Variants in BTD observed in about 807,000 individuals in gnomAD.
BTD encodes biocytinase.
In BTD, 13 loss-of-function variants were observed where a neutral mutation model predicts 17.7. The observed-to-expected ratio is 0.74, with a 90% confidence interval of 0.48 to 1.17. The LOEUF is 1.17. Ranked by LOEUF, BTD falls within the 50% of genes most tolerant of loss-of-function variation. The pLI is 0.00. For missense variants in BTD, 674 were observed against 650.4 expected (o/e 1.04, Z -0.39); for synonymous variants, 240 against 245.2 (o/e 0.98, Z 0.20).
At chr3:15,617,423 A>G (rs905337867) in intron 1 of BTD, among the ~76,000 whole-genome samples, 6 of 152,142 alleles carry the variant, frequency 3.9e-5, no homozygotes, top group African/African-American at 1.2e-4. Context: ...ATTTAGATCT[A>G]TGATCTGTTT....
At chr3:15,626,714 C>T (rs890202872) in intron 1 of BTD, among the ~76,000 whole-genome samples, 2 of 147,956 alleles carry the variant, frequency 1.4e-5, no homozygotes, top group African/African-American at 5.1e-5. Flanking sequence ...GAGTTTGAGG[C>T]TGCTGTGAGC....
downstream of BTD, among the ~76,000 whole-genome samples, chr3:15,656,223 C>T (rs1298307423): frequency 6.6e-6 from 1 of 152,132 alleles, no homozygotes; most frequent in Non-Finnish European, 1.5e-5. Context: ...TTCCTCCTTG[C>T]CCCTAGTTAT....
chr3:15,690,894 C>T (rs1482828436), intron 3 of BTD, among the ~76,000 whole-genome samples: 2 of 152,084 alleles, frequency 1.3e-5, no homozygotes, highest in Non-Finnish European at 2.9e-5. Flanking sequence ...AATCACAGTT[C>T]AGTGCTCCAC....
intron 1 of BTD, among the ~76,000 whole-genome samples, chr3:15,616,815 A>C (rs530468624): frequency 6.6e-6 from 1 of 152,072 alleles, no homozygotes; most frequent in African/African-American, 2.4e-5. Context: ...ATGTCTGTTC[A>C]GATCTTTTGC....
chr3:15,685,923 A>G (rs2068066825), intron 3 of BTD: 5 of 1,086,444 alleles, frequency 4.6e-6, no homozygotes, highest in Non-Finnish European at 6.6e-6. Context: ...TGAAGAAAAA[A>G]TAAACATAAC....
In BTD at chr3:15,631,322, A is replaced by G. The variant is rs2065198250; in HGVS notation, c.-16-4102A>G. On this transcript the variant is annotated intron_variant, in intron 1 of 3. Coordinates refer to ENST00000643237, the MANE Select transcript of BTD (RefSeq NM_001370658.1). ...CAAGTAAAGAATGACAAGATATTTT[A>G]TTAAAAAGATGTTTTATTTATCTTT... 7.6e-6 allele frequency: 6 copies of G among 791,688 alleles called. No homozygotes were observed. The South Asian group carries it at 8.5e-5, about 11-fold the overall frequency. The allele number at this position is 791,688 out of a possible 1,614,324, so 49.0% of individuals were successfully genotyped here.
rs1447866149 is a variant in BTD, at chr3:15,635,730, C to T, written c.249+42C>T. 6.2e-7 allele frequency: 1 copy of T among 1,613,254 alleles called. No individual in the cohort carries two copies. The highest frequency in any genetic ancestry group is 1.1e-5 in the South Asian group (1 of 90,970). ...GAACCTGAGTTTCTCTCATACAGAG[C>T]AGATTGCTCTTTACCCCTTGATCAG... is the stretch of plus-strand genomic sequence containing the variant. On this transcript the variant is annotated intron_variant, in intron 2 of 3. Coordinates refer to ENST00000643237, the MANE Select transcript of BTD (RefSeq NM_001370658.1). This position sits in a 1 kb window ranked among gnomAD's most constrained non-coding sequence, Gnocchi z 4.1.
chr3:15,611,607 A>C (rs1344380414), intron 1 of BTD, among the ~76,000 whole-genome samples: 1 of 152,002 alleles, frequency 6.6e-6, no homozygotes, highest in African/African-American at 2.4e-5. Context: ...GATTGTTGGC[A>C]TGGTTTAGTT....
intron 1 of BTD, among the ~76,000 whole-genome samples, chr3:15,628,049 A>G (rs12488812): frequency 0.11 from 16,059 of 152,264 alleles, 1,063 homozygotes; most frequent in East Asian, 0.34. Context: ...GATTTGGGGA[A>G]CAGGGTTCCT....
Position 15,642,630 on chromosome 3 carries a change from G to C in BTD, c.399+573G>C, listed in dbSNP as rs539768228. ...CCACCACGCCCGGCTAATTTTTTTT[G>C]TGTGTGTATTTTTAGTAGAGATGGG... is the stretch of plus-strand genomic sequence containing the variant. On this transcript the variant is annotated intron_variant, in intron 3 of 3. Transcript: ENST00000643237. Among the ~76,000 whole-genome samples, 3 of 151,450 alleles carry C rather than the reference G, an allele frequency of 2.0e-5. No individual in the cohort carries two copies. The South Asian group carries it at 6.3e-4, about 32-fold the overall frequency.
At chr3:15,618,382 G>A (rs767491470) in intron 1 of BTD, among the ~76,000 whole-genome samples, 5 of 152,172 alleles carry the variant, frequency 3.3e-5, no homozygotes, top group Non-Finnish European at 7.3e-5. Context: ...ACGATATTGA[G>A]TCTCTGCATT....
intron 3 of BTD, among the ~76,000 whole-genome samples, chr3:15,701,453 T>C (rs2070605545): frequency 6.6e-6 from 1 of 152,176 alleles, no homozygotes; most frequent in Non-Finnish European, 1.5e-5. Context: ...AAGACCTGCC[T>C]GACCAACATG....
intron 3 of BTD, among the ~76,000 whole-genome samples, chr3:15,672,244 A>C (rs1350673015): frequency 6.6e-6 from 1 of 151,872 alleles, no homozygotes; most frequent in Admixed American, 6.6e-5. Flanking sequence ...TCTGGGCTCA[A>C]GTGATCCTCC....
chr3:15,691,422 C>A (rs1385874720), intron 3 of BTD, among the ~76,000 whole-genome samples: 1 of 152,166 alleles, frequency 6.6e-6, no homozygotes, highest in Admixed American at 6.5e-5. Context: ...TGCGCCCGGC[C>A]CCGAGTTGCC....
At chr3:15,715,137 T>C (rs2072852481), downstream of BTD, among the ~76,000 whole-genome samples, 1 of 152,224 alleles carries the variant, frequency 6.6e-6, no homozygotes, top group Non-Finnish European at 1.5e-5. Context: ...TAAATCAGAC[T>C]GGCTGCACAC....
chr3:15,653,589 A>G lies in BTD; in HGVS notation c.*8101A>G, dbSNP rs1034488020. Among the ~76,000 whole-genome samples, 4 of 152,358 alleles carry G rather than the reference A, an allele frequency of 2.6e-5. No homozygotes were observed. Among genetic ancestry groups the G allele is most frequent in the African/African-American group, 9.6e-5 (4 of 41,574 alleles). Reference sequence around the variant, plus strand: ...ATTTTTGTTTTGTTTGACTAAAGGCAATTATATTTACATTTTCTCTAAGTA... The same window carrying G: ...ATTTTTGTTTTGTTTGACTAAAGGCGATTATATTTACATTTTCTCTAAGTA... On this transcript the variant is annotated 3_prime_UTR_variant, in exon 4 of 4. Transcript: ENST00000643237.
chr3:15,686,154 C>T (rs1046993152), intron 3 of BTD: 30 of 1,602,072 alleles, frequency 1.9e-5, no homozygotes, highest in Non-Finnish European at 2.6e-5. Flanking sequence ...AGTGCTGTCA[C>T]TTAAGACTGT....
intron 3 of BTD, chr3:15,685,980 G>T: frequency 6.3e-7 from 1 of 1,591,302 alleles, no homozygotes; most frequent in Non-Finnish European, 8.6e-7. Flanking sequence ...TTTTTGAAAG[G>T]AAAGAGCATA....
At chr3:15,719,942 C>T (rs913245914) in intron 4 of BTD, among the ~76,000 whole-genome samples, 2 of 152,136 alleles carry the variant, frequency 1.3e-5, no homozygotes, top group Admixed American at 6.5e-5. Context: ...ATGATCTCAG[C>T]TCACTGCAGC....
Sources: gnomAD v4.1 joint callset for allele counts (sites outside exome capture counted in the v4.1 genomes callset) on GRCh38, gnomAD v4.1.1 for gene constraint, Gnocchi (gnomAD v3.1) non-coding constraint, MANE v1.5 for transcripts, NCBI Gene and HGNC (gene_info 2026-07-23, HGNC 2026-07-21) for gene names.